Variants in KCNN2 observed in about 807,000 individuals in gnomAD.
KCNN2 encodes the protein potassium calcium-activated channel subfamily N member 2, also known as small conductance calcium-activated potassium channel protein 2.
A neutral mutation model predicts 55.5 loss-of-function variants in KCNN2; 24 were observed. The ratio of observed to expected loss-of-function variants is 0.43; its 90% confidence interval spans 0.31 to 0.61. KCNN2 has a LOEUF of 0.61. KCNN2 is among the 20% of genes least tolerant of loss of function. KCNN2 has a pLI of 0.08. For synonymous variants in KCNN2, 431 were observed against 336.1 expected (o/e 1.28, Z -3.09); for missense variants, 754 against 853.6 (o/e 0.88, Z 1.45).
At chr5:114,056,262 C>T (rs1750204281) in exon 1 of KCNN2, 1 of 397,262 alleles carries the variant, frequency 2.5e-6, no homozygotes, top group Non-Finnish European at 4.4e-6. Flanking sequence ...GCTGGGGAGC[C>T]GGGGGCGCTC....
intron 1 of KCNN2, among the ~76,000 whole-genome samples, chr5:114,093,532 G>A (rs1751192844): frequency 6.6e-6 from 1 of 152,116 alleles, no homozygotes; most frequent in East Asian, 1.9e-4. Context: ...TTTCCATACT[G>A]CTATAAAAAA....
At chr5:114,380,694 G>T (rs1359733285) in intron 2 of KCNN2, among the ~76,000 whole-genome samples, 1 of 152,150 alleles carries the variant, frequency 6.6e-6, no homozygotes, top group African/African-American at 2.4e-5. Context: ...GTGATCCTTT[G>T]TTTCTCATAT....
At chr5:114,408,201 CTT>C (rs767007143) in intron 3 of KCNN2, among the ~76,000 whole-genome samples, 24 of 139,674 alleles carry the variant, frequency 1.7e-4, no homozygotes, top group Non-Finnish European at 1.7e-4. Context: ...GGCTTTCTAG[CTT>C]TTTTTTTTTT....
intron 3 of KCNN2, among the ~76,000 whole-genome samples, chr5:114,424,802 T>C (rs1218539897): frequency 2.0e-5 from 3 of 152,218 alleles, no homozygotes; most frequent in South Asian, 4.1e-4. Context: ...TTCTAACATA[T>C]GTGAAGTAGC....
intron 1 of KCNN2, among the ~76,000 whole-genome samples, chr5:114,142,406 T>C (rs1042268369): frequency 1.3e-5 from 2 of 152,194 alleles, no homozygotes; most frequent in East Asian, 1.9e-4. Context: ...CCCCATTTCT[T>C]GTTTTTGTCA....
intron 1 of KCNN2, among the ~76,000 whole-genome samples, chr5:114,183,707 T>A (rs972355786): frequency 3.3e-5 from 5 of 152,050 alleles, no homozygotes; most frequent in African/African-American, 1.2e-4. Flanking sequence ...AGTTCTGATG[T>A]TGGTAATTGT....
At chr5:114,066,255 T>C (rs535896226) in intron 1 of KCNN2, among the ~76,000 whole-genome samples, 22 of 152,352 alleles carry the variant, frequency 1.4e-4, no homozygotes, top group Non-Finnish European at 2.8e-4. Flanking sequence ...TCTCTTTGTC[T>C]TTCTTTTGTT....
intron 1 of KCNN2, among the ~76,000 whole-genome samples, chr5:114,137,375 T>C (rs1299851997): frequency 1.3e-5 from 2 of 152,180 alleles, no homozygotes; most frequent in African/African-American, 4.8e-5. Flanking sequence ...TCATCTTTAT[T>C]CCTCTGATCC....
At chr5:114,400,421 T>A (rs1456479528) in intron 2 of KCNN2, among the ~76,000 whole-genome samples, 1 of 152,210 alleles carries the variant, frequency 6.6e-6, no homozygotes, top group Non-Finnish European at 1.5e-5. Context: ...CTAACTTTTA[T>A]CCTTCCTTCC....
In KCNN2 at chr5:114,127,137, G is replaced by C. The variant is rs144755298; in HGVS notation, c.-271+70637G>C. On this transcript the variant is annotated intron_variant, in intron 1 of 10. Coordinates refer to the KCNN2 transcript ENST00000512097. ...CTTTTCCAGGTGCATGGTGCAAGCTGTCAGTGAATCTACCATTCTGGGGTC... is the reference window on the plus strand; with the variant it reads ...CTTTTCCAGGTGCATGGTGCAAGCTCTCAGTGAATCTACCATTCTGGGGTC... 3.5e-3 allele frequency among the ~76,000 whole-genome samples: 532 copies of C among 152,258 alleles called. 4 individuals carry two copies. The highest frequency in any genetic ancestry group is 0.012 in the African/African-American group (512 of 41,538).
chr5:114,385,556 C>T (rs889905789), intron 2 of KCNN2, among the ~76,000 whole-genome samples: 1 of 146,174 alleles, frequency 6.8e-6, no homozygotes, highest in East Asian at 2.1e-4. Context: ...CACACACACA[C>T]ATTATTGGAA....
At chr5:114,174,249 A>G (rs1426812656) in intron 1 of KCNN2, among the ~76,000 whole-genome samples, 1 of 152,152 alleles carries the variant, frequency 6.6e-6, no homozygotes, top group African/African-American at 2.4e-5. Context: ...GCTTCATAAG[A>G]TACATGAACC....
chr5:114,342,735 T>G (rs760207017), intron 2 of KCNN2, among the ~76,000 whole-genome samples: 7 of 152,216 alleles, frequency 4.6e-5, no homozygotes, highest in Non-Finnish European at 1.0e-4. Flanking sequence ...ATACATAATT[T>G]AGTTTTCTTG....
At chr5:114,446,700 A>T (rs146951773) in intron 3 of KCNN2, among the ~76,000 whole-genome samples, 4,575 of 152,248 alleles carry the variant, frequency 0.03, 88 homozygotes, top group South Asian at 0.053. Context: ...ACCTCAAGTG[A>T]TCCAGCTGCC....
At position 114,364,012 on chromosome 5, in the gene KCNN2, T is replaced by G; in HGVS notation, c.1218+11T>G. 1 of 1,599,836 alleles carries G rather than the reference T, an allele frequency of 6.3e-7. No homozygotes were observed. The highest frequency in any genetic ancestry group is 8.6e-7 in the Non-Finnish European group (1 of 1,167,058). ...GCCAGGGAAATACAGGTAACTTAGGTCCTGCTGTTTATGAATGACCCAAAG... is the reference window on the plus strand; with the variant it reads ...GCCAGGGAAATACAGGTAACTTAGGGCCTGCTGTTTATGAATGACCCAAAG... On this transcript the variant is annotated intron_variant, in intron 2 of 7. Coordinates refer to ENST00000673685, the MANE Select transcript of KCNN2 (RefSeq NM_021614.4).
intron 1 of KCNN2, among the ~76,000 whole-genome samples, chr5:114,205,178 G>A (rs1256441461): frequency 6.6e-6 from 1 of 151,300 alleles, no homozygotes; most frequent in African/African-American, 2.5e-5. Flanking sequence ...TAGTTGCTGT[G>A]CAACACAAAC....
intron 2 of KCNN2, among the ~76,000 whole-genome samples, chr5:114,321,267 T>C (rs190845295): frequency 1.1e-3 from 163 of 152,286 alleles, no homozygotes; most frequent in African/African-American, 3.8e-3. Context: ...TTTTTCACCT[T>C]AATCTTCTCT....
At chr5:114,103,094 G>A (rs1751406315) in intron 1 of KCNN2, among the ~76,000 whole-genome samples, 1 of 152,066 alleles carries the variant, frequency 6.6e-6, no homozygotes, top group Non-Finnish European at 1.5e-5. Flanking sequence ...CCATTTGTTT[G>A]TGTCCTCTCT....
intron 2 of KCNN2, among the ~76,000 whole-genome samples, chr5:114,230,181 A>C (rs959922702): frequency 4.6e-5 from 7 of 152,168 alleles, no homozygotes; most frequent in Non-Finnish European, 8.8e-5. Flanking sequence ...AGTTTAGATT[A>C]AGGATAAGTA....
Sources: allele counts gnomAD v4.1 joint callset (sites outside exome capture counted in the v4.1 genomes callset), GRCh38; gene constraint gnomAD v4.1.1; transcripts MANE v1.5; gene names NCBI Gene and HGNC (gene_info 2026-07-23, HGNC 2026-07-21).